Variants in BRWD3 observed in about 807,000 individuals in gnomAD.
BRWD3 encodes the protein bromodomain and WD repeat-containing protein 3.
BRWD3 carries 10 observed loss-of-function variants against 149.7 expected under a neutral mutation model. The ratio of observed to expected loss-of-function variants is 0.07; its 90% CI spans 0.04 to 0.11. The LOEUF (loss-of-function observed/expected upper bound fraction) is 0.11, where lower values mean the gene tolerates loss of function less well. Ranked by LOEUF, BRWD3 falls within the 10% of genes least tolerant of loss-of-function variation. The pLI, the probability that BRWD3 is intolerant of heterozygous loss-of-function variation, is 1.00. For missense variants in BRWD3, 940 were observed against 1,373.2 expected (o/e 0.68, Z 4.99); for synonymous variants, 504 against 456.7 (o/e 1.10, Z -1.32).
chrX:80,713,820 C>G (rs968493428), intron 20 of BRWD3, among the ~76,000 whole-genome samples: 1 of 112,433 alleles, frequency 8.9e-6, no homozygotes, highest in Non-Finnish European at 1.9e-5. Context: ...AAACTCTGCT[C>G]TTTTGTTATT....
Position 80,686,896 on chromosome X carries a change from T to C in BRWD3, c.3972A>G (p.Pro1324=), listed in dbSNP as rs771907756. Residue 1324 remains proline (P), a synonymous_variant, in exon 35 of 41, where the codon CCA becomes CCG. Coordinates refer to ENST00000373275, the MANE Select transcript of BRWD3 (RefSeq NM_153252.5). ...SLIYEREDSE[P]FRQPADLLSY... Reference sequence around the variant, plus strand: ...AAAGAAGATCAGCTGGCTGTCGAAATGGCTCCGAGTCTTCACGTTCATAAA... The same window carrying C: ...AAAGAAGATCAGCTGGCTGTCGAAACGGCTCCGAGTCTTCACGTTCATAAA... 2.4e-5 allele frequency: 29 copies of C among 1,207,889 alleles called. No individual in the cohort carries two copies. The Admixed American group carries it at 4.0e-4, about 16-fold the overall frequency.
chrX:80,729,612 T>C (rs538290414), intron 13 of BRWD3, among the ~76,000 whole-genome samples: 3 of 110,993 alleles, frequency 2.7e-5, no homozygotes, highest in South Asian at 7.4e-4. Context: ...GAAAGTAAAA[T>C]AGATATATTT....
chrX:80,703,962 CTA>C (rs1444849819), intron 23 of BRWD3, among the ~76,000 whole-genome samples: 1 of 111,972 alleles, frequency 8.9e-6, no homozygotes, highest in African/African-American at 3.2e-5. Context: ...TAGAATGTGT[CTA>C]TAATCAATTT....
At chrX:80,781,576 G>A (rs1461411546) in intron 6 of BRWD3, among the ~76,000 whole-genome samples, 1 of 110,830 alleles carries the variant, frequency 9.0e-6, no homozygotes, top group Non-Finnish European at 1.9e-5. Flanking sequence ...TGCTGAACTG[G>A]GGCATAGTAG....
intron 4 of BRWD3, among the ~76,000 whole-genome samples, chrX:80,800,190 C>A (rs1483254820): frequency 9.4e-6 from 1 of 106,492 alleles, no homozygotes; most frequent in Non-Finnish European, 1.9e-5. Context: ...AGAAAGGCAC[C>A]CCAACCCAAT....
intron 10 of BRWD3, 76 bp from the exon 11 acceptor site, chrX:80,734,294 T>C: frequency 1.5e-6 from 1 of 655,754 alleles, no homozygotes; most frequent in East Asian, 3.3e-5. Flanking sequence ...CTTAGTTGTA[T>C]GCTACCTTGC....
At chrX:80,699,783 A>G (rs1237163466) in intron 25 of BRWD3, among the ~76,000 whole-genome samples, 174 bp downstream of exon 25, 8 of 112,009 alleles carry the variant, frequency 7.1e-5, no homozygotes, top group Admixed American at 1.9e-4. Context: ...ATTTTGAGAA[A>G]CGTATAAAAT....
At chrX:80,742,804 A>G (rs1345212355) in intron 8 of BRWD3, among the ~76,000 whole-genome samples, 1 of 111,442 alleles carries the variant, frequency 9.0e-6, no homozygotes, top group Non-Finnish European at 1.9e-5. Flanking sequence ...GGCTGAGACG[A>G]TGGAGTTTTC....
intron 6 of BRWD3, among the ~76,000 whole-genome samples, chrX:80,771,314 C>G (rs1352709641): frequency 9.0e-6 from 1 of 111,542 alleles, no homozygotes; most frequent in Non-Finnish European, 1.9e-5. Context: ...GCAAAAAGAA[C>G]AAAGCTGGAG....
At position 80,725,036 on chromosome X, in the gene BRWD3, G is replaced by T. The variant is rs751775718; in HGVS notation, c.1418C>A (p.Ala473Asp). Residue 473 changes from alanine to aspartate, a missense_variant, in exon 15 of 41, where the codon GCC becomes GAC. By Grantham distance (126) the Ala-to-Asp change is moderately radical. Around this residue, in one of 6 missense-constraint regions of BRWD3, gnomAD observed 209 missense variants for 396.8 expected, o/e 0.53. Coordinates refer to ENST00000373275, the MANE Select transcript of BRWD3 (RefSeq NM_153252.5). ...GHDDEVFVLE[A>D]HPFDQRIILS... ...TATGATCCTTTGATCAAATGGATGG[G>T]CTTCTAGAACGAATACTTCATCATC... 1 of 1,207,380 alleles carries T rather than the reference G, an allele frequency of 8.3e-7. No individual in the cohort carries two copies. Among genetic ancestry groups the T allele is most frequent in the Non-Finnish European group, 1.1e-6 (1 of 891,946 alleles).
chrX:80,682,022 C>A lies in BRWD3; in HGVS notation c.4470G>T (p.Arg1490Ser), dbSNP rs2072454806. ...NDQNTSVSHA[R>S]TSSPFSSPVS... ...CAGGAGATGAGAAAGGAGAGCTAGT[C>A]CTGGCATGAGATACTGAGGTATTCT... The change falls in exon 39 of 41, where the codon AGG (arginine) becomes AGT (serine). Residue 1490 changes from arginine (R) to serine (S), a missense_variant. Physicochemically the swap from Arg to Ser is moderately radical, Grantham distance 110. This residue lies in a region of BRWD3 where 349 missense variants were observed against 419.6 expected (regional missense o/e 0.83). Transcript: ENST00000373275. The A allele has an allele frequency of 8.3e-7, 1 of 1,208,799 alleles. No homozygotes were observed. Among genetic ancestry groups the A allele is most frequent in the African/African-American group, 1.7e-5 (1 of 57,664 alleles).
chrX:80,700,425 AAATATTTGATATATATAAC>A, intron 24 of BRWD3, among the ~76,000 whole-genome samples: 1 of 1,004 alleles, frequency 1.0e-3, no homozygotes, highest in East Asian at 0.037. Context: ...TGCAGATTGA[AAATATTTGATATATATAAC>A]AATACAATTA....
chrX:80,782,785 T>C (rs1288600989), intron 6 of BRWD3, among the ~76,000 whole-genome samples: 1 of 110,392 alleles, frequency 9.1e-6, no homozygotes, highest in Non-Finnish European at 1.9e-5. Flanking sequence ...ATGCTTATAG[T>C]TCCAGCTAAT....
At chrX:80,681,886 A>T in intron 39 of BRWD3, 111 bp downstream of exon 39, 1 of 712,863 alleles carries the variant, frequency 1.4e-6, no homozygotes, top group Non-Finnish European at 2.2e-6. Flanking sequence ...CACAACTTTT[A>T]AAAATCTAAA....
intron 6 of BRWD3, among the ~76,000 whole-genome samples, chrX:80,790,253 G>T (rs1408241469): frequency 9.3e-6 from 1 of 107,046 alleles, no homozygotes; most frequent in Non-Finnish European, 1.9e-5. Flanking sequence ...GTTTAGATTG[G>T]CAACCTATAA....
chrX:80,777,825 T>A (rs990100280), intron 6 of BRWD3, among the ~76,000 whole-genome samples: 1 of 111,667 alleles, frequency 9.0e-6, no homozygotes, highest in Admixed American at 9.5e-5. Flanking sequence ...TAGTTTTTAA[T>A]TTTTTGGTTA....
rs755915143 is a variant in BRWD3 at position 80,744,265 on chromosome X, A to G, written c.592-12T>C. 8.8e-7 allele frequency: 1 copy of G among 1,138,604 alleles called. No individual in the cohort carries two copies. The highest frequency in any genetic ancestry group is 1.2e-6 in the Non-Finnish European group (1 of 838,372). The allele number at this position is 1,138,604 out of a possible 1,213,427, so 93.8% of individuals were successfully genotyped here. ...CAGTCATCTGAACCCTATAGTAACA[A>G]AAGGACAATAGGTTTATAATGAAGC... On this transcript the variant is annotated splice_polypyrimidine_tract_variant and intron_variant, in intron 7 of 40. Coordinates refer to ENST00000373275, the MANE Select transcript of BRWD3 (RefSeq NM_153252.5).
chrX:80,722,124 A>G (rs765324083), intron 17 of BRWD3, among the ~76,000 whole-genome samples: 9 of 112,187 alleles, frequency 8.0e-5, no homozygotes, highest in African/African-American at 1.6e-4. Context: ...CTGGGATTAC[A>G]GGCGTGAGCC....
At chrX:80,718,421 ACT>A (rs1044733724) in intron 18 of BRWD3, among the ~76,000 whole-genome samples, 3 of 111,873 alleles carry the variant, frequency 2.7e-5, no homozygotes, top group Non-Finnish European at 5.7e-5. Flanking sequence ...GGGTCTCTTG[ACT>A]AATGCCATTT....
Sources: allele counts gnomAD v4.1 joint callset (sites outside exome capture counted in the v4.1 genomes callset), GRCh38; gene constraint gnomAD v4.1.1; regional missense constraint gnomAD v4.1.1; transcripts MANE v1.5; gene names NCBI Gene and HGNC (gene_info 2026-07-23, HGNC 2026-07-21).